Variants in KIAA1217 observed in about 807,000 individuals in gnomAD.
KIAA1217 encodes the protein sickle tail protein homolog.
A neutral mutation model predicts 163.9 loss-of-function variants in KIAA1217; 88 were observed. The ratio of observed to expected loss-of-function variants is 0.54; its 90% CI spans 0.45 to 0.64. The LOEUF (loss-of-function observed/expected upper bound fraction) is 0.64, where lower values mean the gene tolerates loss of function less well. Ranked by LOEUF, KIAA1217 falls within the 30% of genes least tolerant of loss-of-function variation. The pLI is 0.00. For synonymous variants in KIAA1217, 903 were observed against 923.1 expected (o/e 0.98, Z 0.39); for missense variants, 2,372 against 2,475.0 (o/e 0.96, Z 0.88).
chr10:24,136,759 T>G (rs1436376359), intron 2 of KIAA1217, among the ~76,000 whole-genome samples: 1 of 152,222 alleles, frequency 6.6e-6, no homozygotes, highest in East Asian at 1.9e-4. Flanking sequence ...AGTCTGGTTC[T>G]TCGAGGAAAC....
intron 1 of KIAA1217, among the ~76,000 whole-genome samples, chr10:23,885,538 C>T (rs1841134598): frequency 6.6e-6 from 1 of 151,982 alleles, no homozygotes; most frequent in African/African-American, 2.4e-5. Context: ...GTTATAATGA[C>T]AAATGCTCTT....
intron 1 of KIAA1217, among the ~76,000 whole-genome samples, chr10:23,739,244 C>A (rs572625637): frequency 6.6e-6 from 1 of 152,054 alleles, no homozygotes; most frequent in East Asian, 1.9e-4. Context: ...ATTGGAGACT[C>A]GAAAGGGGCA....
At chr10:24,158,460 G>T in intron 2 of KIAA1217, 2 of 547,862 alleles carry the variant, frequency 3.7e-6, no homozygotes, top group South Asian at 2.8e-5. Context: ...GAAATTGAAT[G>T]TATATTCATT....
intron 5 of KIAA1217, among the ~76,000 whole-genome samples, chr10:24,462,070 A>G (rs1262602015): frequency 2.0e-5 from 3 of 152,122 alleles, no homozygotes; most frequent in Non-Finnish European, 4.4e-5. Context: ...ATATATGTAT[A>G]TGTATACATA....
At chr10:24,220,689 C>T (rs1280676795) in intron 2 of KIAA1217, among the ~76,000 whole-genome samples, 1 of 149,786 alleles carries the variant, frequency 6.7e-6, no homozygotes, top group Non-Finnish European at 1.5e-5. Context: ...CTCCTGATCT[C>T]GTGATCCGCC....
chr10:23,824,658 A>ATATATATAT (rs1379535101), intron 1 of KIAA1217, among the ~76,000 whole-genome samples: 18 of 53,056 alleles, frequency 3.4e-4, no homozygotes, highest in East Asian at 5.3e-4. Context: ...AAATAAAAAA[A>ATATATATAT]ATATATATAT....
intron 2 of KIAA1217, among the ~76,000 whole-genome samples, chr10:24,094,084 T>C (rs1177769554): frequency 6.6e-6 from 1 of 152,060 alleles, no homozygotes; most frequent in Non-Finnish European, 1.5e-5. Flanking sequence ...AAGTTTTTGC[T>C]ATTGTGAATA....
At chr10:23,912,789 AAC>A (rs747722002) in intron 1 of KIAA1217, among the ~76,000 whole-genome samples, 1 of 152,222 alleles carries the variant, frequency 6.6e-6, no homozygotes, top group Non-Finnish European at 1.5e-5. Context: ...GAAAGAATGA[AAC>A]ACACATTCCT....
intron 3 of KIAA1217, among the ~76,000 whole-genome samples, chr10:24,396,396 A>C (rs1475349457): frequency 6.6e-6 from 1 of 152,186 alleles, no homozygotes; most frequent in Non-Finnish European, 1.5e-5. Flanking sequence ...AATCTTAATA[A>C]AACAGCCACA....
intron 1 of KIAA1217, among the ~76,000 whole-genome samples, chr10:23,701,906 C>T (rs933354301): frequency 2.0e-5 from 3 of 152,284 alleles, no homozygotes; most frequent in Admixed American, 6.5e-5. Flanking sequence ...AAGTTGACTC[C>T]ACAAATAGCA....
At chr10:24,434,096 G>C (rs1408186140) in intron 4 of KIAA1217, among the ~76,000 whole-genome samples, 1 of 140,792 alleles carries the variant, frequency 7.1e-6, no homozygotes, top group Admixed American at 7.6e-5. Flanking sequence ...GAGTACAATG[G>C]TGCGATCTCC....
At chr10:24,352,042 G>T (rs2048518661) in intron 2 of KIAA1217, among the ~76,000 whole-genome samples, 1 of 152,216 alleles carries the variant, frequency 6.6e-6, no homozygotes, top group South Asian at 2.1e-4. Context: ...CACTTTTCTG[G>T]CTGGGCTGTT....
rs570612670 is a variant in KIAA1217 at position 24,307,628 on chromosome 10, A to T, written c.355-73241A>T. ...CCATCTCTCCAAAAAAAAAAAAAAA[A>T]ATATTAGCCAGGCATAGTGGCAACA... is the stretch of plus-strand genomic sequence containing the variant. On this transcript the variant is annotated intron_variant, in intron 2 of 20. Coordinates refer to ENST00000376454, the MANE Select transcript of KIAA1217 (RefSeq NM_019590.5). Among the ~76,000 whole-genome samples the T allele has an allele frequency of 4.8e-3, 736 of 151,996 alleles. 5 individuals carry two copies. The highest frequency in any genetic ancestry group is 0.01 in the Admixed American group (157 of 15,268).
intron 9 of KIAA1217, among the ~76,000 whole-genome samples, chr10:24,506,077 A>G (rs564353468): frequency 6.6e-6 from 1 of 152,336 alleles, no homozygotes; most frequent in Admixed American, 6.5e-5. Context: ...GCCAAGGTCT[A>G]GTCAGATCTT....
chr10:24,262,670 A>AT (rs2075842842), intron 2 of KIAA1217, among the ~76,000 whole-genome samples: 1 of 151,776 alleles, frequency 6.6e-6, no homozygotes, highest in Non-Finnish European at 1.5e-5. Context: ...GGGAGTCTCA[A>AT]TTTAAGGTGC....
chr10:23,732,835 A>G (rs1838552325), intron 1 of KIAA1217, among the ~76,000 whole-genome samples: 2 of 152,254 alleles, frequency 1.3e-5, no homozygotes, highest in Middle Eastern at 3.4e-3. Context: ...CAAGTTTTTT[A>G]CATGCCAGAC....
chr10:24,533,170 C>A lies in KIAA1217; in HGVS notation c.3347C>A (p.Thr1116Asn), dbSNP rs367951182. The change falls in exon 16 of 21, where the codon ACC (threonine) becomes AAC (asparagine). Residue 1116 changes from threonine (T) to asparagine (N), a missense_variant. Around this residue, in one of 3 missense-constraint regions of KIAA1217, gnomAD observed 1,431 missense variants for 1,470.3 expected, o/e 0.97. Transcript: ENST00000376454. ...SAWTPSPPPV[T>N]TSSSKDEEEE... ...TGGACCCCATCCCCACCGCCTGTCA[C>A]CACCTCCTCCTCAAAGGATGAGGAG... is the stretch of plus-strand genomic sequence containing the variant. The A allele has an allele frequency of 5.3e-5, 85 of 1,613,644 alleles. No individual in the cohort carries two copies. The highest frequency in any genetic ancestry group is 6.9e-5 in the Non-Finnish European group (81 of 1,179,918).
intron 1 of KIAA1217, among the ~76,000 whole-genome samples, chr10:23,799,738 T>C (rs371369640): frequency 6.6e-6 from 1 of 152,200 alleles, no homozygotes; most frequent in African/African-American, 2.4e-5. Context: ...ATGTATGAAA[T>C]AGAAATTCTA....
chr10:23,942,731 G>T (rs1316899213), intron 1 of KIAA1217, among the ~76,000 whole-genome samples: 1 of 152,028 alleles, frequency 6.6e-6, no homozygotes, highest in African/African-American at 2.4e-5. Context: ...TTATATACAA[G>T]GTAACAAGGA....
Sources: allele counts gnomAD v4.1 joint callset (sites outside exome capture counted in the v4.1 genomes callset), GRCh38; gene constraint gnomAD v4.1.1; regional missense constraint gnomAD v4.1.1; transcripts MANE v1.5; gene names NCBI Gene and HGNC (gene_info 2026-07-23, HGNC 2026-07-21).